Variants in ANKRD42 observed in about 807,000 individuals in gnomAD.
The protein encoded by ANKRD42 is ankyrin repeat domain 42, also known as ankyrin repeat domain-containing protein 42.
A neutral mutation model predicts 51.5 loss-of-function variants in ANKRD42; 43 were observed. The observed-to-expected ratio is 0.83, with a 90% CI of 0.65 to 1.08. The LOEUF (loss-of-function observed/expected upper bound fraction) is 1.08, where lower values mean the gene tolerates loss of function less well. Among genes scored for constraint, ANKRD42 ranks in the 50% least tolerant of loss-of-function variants. The pLI, the probability that ANKRD42 is intolerant of heterozygous loss-of-function variation, is 0.00. For synonymous variants in ANKRD42, 203 were observed against 213.0 expected (o/e 0.95, Z 0.41); for missense variants, 608 against 629.3 (o/e 0.97, Z 0.36).
intron 11 of ANKRD42, among the ~76,000 whole-genome samples, chr11:83,254,132 G>A (rs965339290): frequency 6.6e-6 from 1 of 151,710 alleles, no homozygotes; most frequent in Admixed American, 6.6e-5. Flanking sequence ...GAGCCACCAT[G>A]CCCAGCTAAA....
chr11:83,239,091 C>G (rs1247500786), intron 8 of ANKRD42, among the ~76,000 whole-genome samples: 1 of 152,006 alleles, frequency 6.6e-6, no homozygotes, highest in South Asian at 2.1e-4. Context: ...TTGTCAGGGT[C>G]TTTTTTTAAT....
chr11:83,207,107 T>A (rs1453510409), intron 3 of ANKRD42, among the ~76,000 whole-genome samples: 2 of 152,168 alleles, frequency 1.3e-5, no homozygotes, highest in African/African-American at 4.8e-5. Context: ...CACATCCTTC[T>A]TCACAGGATG....
intron 1 of ANKRD42, 22 bp downstream of exon 1, chr11:83,194,750 C>G (rs377362887): frequency 1.5e-4 from 240 of 1,559,482 alleles, no homozygotes; most frequent in Non-Finnish European, 2.0e-4. Flanking sequence ...TGTCATTGGC[C>G]TTCATCTCTG....
At chr11:83,243,533 C>T (rs1174305209) in intron 9 of ANKRD42, among the ~76,000 whole-genome samples, 2 of 152,200 alleles carry the variant, frequency 1.3e-5, no homozygotes, top group Non-Finnish European at 2.9e-5. Context: ...TAAATACTCA[C>T]TGCTCTTTCA....
At chr11:83,263,646 G>A (rs116385906), downstream of ANKRD42, among the ~76,000 whole-genome samples, 3,081 of 152,206 alleles carry the variant, frequency 0.02, 96 homozygotes, top group African/African-American at 0.07. Context: ...TCTGACCCAC[G>A]ATGAACCATT....
intron 2 of ANKRD42, among the ~76,000 whole-genome samples, chr11:83,203,463 G>A (rs1026487880): frequency 6.9e-6 from 1 of 145,202 alleles, no homozygotes; most frequent in African/African-American, 2.6e-5. Context: ...GCACCGTCTT[G>A]GTTGACTGCA....
At chr11:83,226,938 T>C (rs887110784) in intron 6 of ANKRD42, among the ~76,000 whole-genome samples, 1 of 152,180 alleles carries the variant, frequency 6.6e-6, no homozygotes, top group Non-Finnish European at 1.5e-5. Flanking sequence ...GTAAATATTA[T>C]ACCATTTTAT....
intron 4 of ANKRD42, 75 bp downstream of exon 4, chr11:83,210,494 T>G: frequency 2.9e-5 from 45 of 1,534,800 alleles, no homozygotes; most frequent in Non-Finnish European, 3.7e-5. Flanking sequence ...TAGTTATCTC[T>G]TCCTGACTTT....
At chr11:83,201,488 A>G (rs781107683) in intron 2 of ANKRD42, among the ~76,000 whole-genome samples, 1 of 152,238 alleles carries the variant, frequency 6.6e-6, no homozygotes, top group Non-Finnish European at 1.5e-5. Flanking sequence ...AGAATGATTT[A>G]TAATCCTTTG....
At chr11:83,243,866 A>G (rs1209657450) in intron 9 of ANKRD42, among the ~76,000 whole-genome samples, 2 of 148,324 alleles carry the variant, frequency 1.3e-5, no homozygotes, top group African/African-American at 2.5e-5. Context: ...GGGTTTCACC[A>G]TGTTAGCCAG....
intron 2 of ANKRD42, among the ~76,000 whole-genome samples, chr11:83,202,160 A>G (rs1168187162): frequency 1.3e-5 from 2 of 152,180 alleles, no homozygotes; most frequent in Admixed American, 6.5e-5. Context: ...ATCTTGAATT[A>G]ATTTTTATAT....
chr11:83,255,076 A>C (rs1863743325), intron 11 of ANKRD42, among the ~76,000 whole-genome samples: 1 of 152,204 alleles, frequency 6.6e-6, no homozygotes, highest in Non-Finnish European at 1.5e-5. Flanking sequence ...GGGCAGGAAC[A>C]CCTTGGAGAA....
intron 5 of ANKRD42, among the ~76,000 whole-genome samples, chr11:83,216,529 T>C (rs377083360): frequency 1.2e-3 from 187 of 152,162 alleles, no homozygotes; most frequent in African/African-American, 4.1e-3. Flanking sequence ...TTTCACCGTG[T>C]TAGCCAGGAT....
At chr11:83,228,759 G>C (rs1269003296) in intron 7 of ANKRD42, among the ~76,000 whole-genome samples, 1 of 152,084 alleles carries the variant, frequency 6.6e-6, no homozygotes, top group Admixed American at 6.6e-5. Flanking sequence ...AGGGAAATGA[G>C]AAGAGATGGG....
rs758968613 is a variant in ANKRD42 at position 83,194,735 on chromosome 11, C to A, written c.58+7C>A. The A allele has an allele frequency of 6.3e-7, 1 of 1,580,898 alleles. No individual in the cohort carries two copies. The highest frequency in any genetic ancestry group is 8.6e-7 in the Non-Finnish European group (1 of 1,164,130). The stretch of plus-strand genomic sequence containing the variant: ...AGGGAGACTGCAAACCCCTGTGAGT[C>A]AGACTGTCATTGGCCTTCATCTCTG... On this transcript the variant is annotated splice_region_variant and intron_variant, in intron 1 of 10. Transcript: ENST00000533342.
intron 7 of ANKRD42, among the ~76,000 whole-genome samples, chr11:83,232,139 A>G (rs1863090464): frequency 6.9e-6 from 1 of 144,174 alleles, no homozygotes; most frequent in Non-Finnish European, 1.5e-5. Context: ...GCAGAATGTC[A>G]TTGGTATTTA....
intron 5 of ANKRD42, among the ~76,000 whole-genome samples, chr11:83,217,127 T>C (rs905608574): frequency 1.3e-5 from 2 of 151,986 alleles, no homozygotes; most frequent in African/African-American, 2.4e-5. Context: ...GACAAGGAGG[T>C]TAAAAATGCA....
chr11:83,197,924 G>A (rs1207838285), intron 1 of ANKRD42, among the ~76,000 whole-genome samples: 2 of 152,074 alleles, frequency 1.3e-5, no homozygotes, highest in Non-Finnish European at 2.9e-5. Context: ...CAACACATGG[G>A]GCATATTTCA....
chr11:83,255,414 G>A (rs961980480), intron 11 of ANKRD42, among the ~76,000 whole-genome samples: 1 of 152,182 alleles, frequency 6.6e-6, no homozygotes, highest in Non-Finnish European at 1.5e-5. Flanking sequence ...AGAGGGAAGC[G>A]GGGAAGCTAG....
Sources: allele counts gnomAD v4.1 joint callset (sites outside exome capture counted in the v4.1 genomes callset), GRCh38; gene constraint gnomAD v4.1.1; transcripts MANE v1.5; gene names NCBI Gene and HGNC (gene_info 2026-07-23, HGNC 2026-07-21).